ATP6V0E1: variants seen among roughly 807,000 people sequenced by gnomAD.
ATP6V0E1 encodes ATPase H+ transporting V0 subunit e1.
Under a neutral mutation model 11.6 loss-of-function variants are expected in ATP6V0E1, and 4 were observed. The ratio of observed to expected loss-of-function variants is 0.35; its 90% CI spans 0.17 to 0.79. The LOEUF (loss-of-function observed/expected upper bound fraction) is 0.79, where lower values mean the gene tolerates loss of function less well. Among genes scored for constraint, ATP6V0E1 ranks in the 30% least tolerant of loss-of-function variants. The pLI, the probability that ATP6V0E1 is intolerant of heterozygous loss-of-function variation, is 0.54. For missense variants in ATP6V0E1, 105 were observed against 100.0 expected, an observed-to-expected ratio of 1.05 and a Z score of -0.21; for synonymous variants, 36 against 34.8, an observed-to-expected ratio of 1.04 and a Z score of -0.13.
chr5:173,024,804 A>G (rs1268332561), intron 3 of ATP6V0E1, among the ~76,000 whole-genome samples: 1 of 151,748 alleles, frequency 6.6e-6, no homozygotes. Context: ...CTTCAAATAT[A>G]ACATTACAGA....
chr5:173,032,958 T>C (rs1161955360), intron 3 of ATP6V0E1, among the ~76,000 whole-genome samples: 1 of 152,190 alleles, frequency 6.6e-6, no homozygotes, highest in Admixed American at 6.5e-5. Flanking sequence ...TAGCTGGGCA[T>C]GATGGCGTGG....
chr5:172,993,679 A>ACC (rs35327427), intron 1 of ATP6V0E1, among the ~76,000 whole-genome samples: 1,603 of 79,170 alleles, frequency 0.02, 53 homozygotes, highest in East Asian at 0.12. Flanking sequence ...ACATATTGAG[A>ACC]CCCCCCCCCC....
intron 3 of ATP6V0E1, among the ~76,000 whole-genome samples, chr5:173,029,085 T>A (rs1051222233): frequency 9.8e-5 from 15 of 152,320 alleles, no homozygotes; most frequent in Non-Finnish European, 1.8e-4. Context: ...TATTGATAAT[T>A]AGGCCTCTGC....
At chr5:173,007,241 C>T (rs1756243366) in intron 2 of ATP6V0E1, among the ~76,000 whole-genome samples, 2 of 152,154 alleles carry the variant, frequency 1.3e-5, no homozygotes, top group South Asian at 2.1e-4. Flanking sequence ...TCCCAAAATG[C>T]TGGGATTACA....
intron 2 of ATP6V0E1, among the ~76,000 whole-genome samples, chr5:173,018,116 C>A (rs1321002878): frequency 2.6e-5 from 4 of 152,098 alleles, no homozygotes; most frequent in Non-Finnish European, 1.5e-5. Context: ...ACTTTTGAAT[C>A]CCCCCAGATT....
chr5:172,984,631 G>C (rs17661716), intron 1 of ATP6V0E1, among the ~76,000 whole-genome samples: 7,737 of 152,280 alleles, frequency 0.051, 275 homozygotes, highest in Middle Eastern at 0.15. Context: ...TGTTTTTCCA[G>C]ACTTCTTTGT....
intron 1 of ATP6V0E1, among the ~76,000 whole-genome samples, chr5:172,986,239 T>C (rs1314221507): frequency 6.6e-6 from 1 of 152,212 alleles, no homozygotes; most frequent in Non-Finnish European, 1.5e-5. Flanking sequence ...AAAAATATTT[T>C]TCTTTCTTCA....
chr5:173,032,100 G>A (rs189390630), intron 3 of ATP6V0E1, among the ~76,000 whole-genome samples: 12 of 151,862 alleles, frequency 7.9e-5, no homozygotes, highest in Non-Finnish European at 1.5e-4. Context: ...TGCAGTGAGC[G>A]GTGATGGTGC....
intron 2 of ATP6V0E1, among the ~76,000 whole-genome samples, chr5:173,011,975 G>T (rs1277088307): frequency 6.6e-6 from 1 of 151,954 alleles, no homozygotes; most frequent in African/African-American, 2.4e-5. Flanking sequence ...AAAGCTCAGC[G>T]GGTTAGGGGG....
intron 2 of ATP6V0E1, among the ~76,000 whole-genome samples, chr5:173,007,596 G>A (rs561000203): frequency 1.3e-5 from 2 of 152,296 alleles, no homozygotes; most frequent in Admixed American, 6.5e-5. Flanking sequence ...AGGTAGCCAC[G>A]TAAACCAAAA....
At chr5:172,993,731 C>G (rs1177819895) in intron 1 of ATP6V0E1, among the ~76,000 whole-genome samples, 2 of 131,496 alleles carry the variant, frequency 1.5e-5, no homozygotes, top group Admixed American at 9.4e-5. Flanking sequence ...ATTAGCCAGG[C>G]CTGGTTGTGT....
chr5:173,007,216 C>T (rs1756243151), intron 2 of ATP6V0E1, among the ~76,000 whole-genome samples: 1 of 152,188 alleles, frequency 6.6e-6, no homozygotes, highest in Non-Finnish European at 1.5e-5. Context: ...CTCAAGCATT[C>T]TGCCCATCTC....
intron 2 of ATP6V0E1, among the ~76,000 whole-genome samples, chr5:173,017,920 T>C (rs1756429147): frequency 6.6e-6 from 1 of 151,788 alleles, no homozygotes; most frequent in Admixed American, 6.6e-5. Flanking sequence ...GATAGCAGTA[T>C]GTTACCAAAT....
At chr5:172,998,438 C>T (rs1756100693) in intron 2 of ATP6V0E1, among the ~76,000 whole-genome samples, 1 of 151,724 alleles carries the variant, frequency 6.6e-6, no homozygotes, top group Non-Finnish European at 1.5e-5. Flanking sequence ...GAAACCCCAT[C>T]AATACTAAAA....
chr5:173,032,248 A>ATTTTATTTT (rs1554120253), intron 3 of ATP6V0E1, among the ~76,000 whole-genome samples: 77 of 16,264 alleles, frequency 4.7e-3, no homozygotes, highest in South Asian at 8.8e-3. Context: ...CTTTTATTTT[A>ATTTTATTTT]TTTTATTTAT....
chr5:173,003,623 A>G (rs1756189856), intron 2 of ATP6V0E1, among the ~76,000 whole-genome samples: 1 of 152,100 alleles, frequency 6.6e-6, no homozygotes, highest in African/African-American at 2.4e-5. Flanking sequence ...AGGTGAAGAG[A>G]GGCACACAGA....
intron 3 of ATP6V0E1, among the ~76,000 whole-genome samples, chr5:173,029,806 A>G (rs1052827703): frequency 2.0e-5 from 3 of 152,172 alleles, no homozygotes; most frequent in Non-Finnish European, 4.4e-5. Flanking sequence ...GAGCCACAAC[A>G]GATAAGAACG....
At chr5:172,995,996 G>A (rs1000109611) in intron 2 of ATP6V0E1, among the ~76,000 whole-genome samples, 2 of 152,140 alleles carry the variant, frequency 1.3e-5, no homozygotes, top group South Asian at 4.1e-4. Flanking sequence ...CAGAGACATG[G>A]AAAGTGTTGG....
chr5:172,992,076 AG>A (rs1349888410), intron 1 of ATP6V0E1, among the ~76,000 whole-genome samples: 1 of 146,094 alleles, frequency 6.8e-6, no homozygotes, highest in Non-Finnish European at 1.5e-5. Context: ...TTTGAGACGG[AG>A]TCTCGCTCTG....
Sources: allele counts gnomAD v4.1 joint callset (sites outside exome capture counted in the v4.1 genomes callset), GRCh38; gene constraint gnomAD v4.1.1; transcripts MANE v1.5; gene names NCBI Gene and HGNC (gene_info 2026-07-23, HGNC 2026-07-21).